BMP5: variants seen among roughly 807,000 people sequenced by gnomAD.
BMP5 encodes bone morphogenetic protein 5.
Under a neutral mutation model 46.6 loss-of-function variants are expected in BMP5, and 23 were observed. That is an observed-to-expected ratio of 0.49 (90% CI 0.35 to 0.70). The LOEUF (loss-of-function observed/expected upper bound fraction) is 0.70. Among genes scored for constraint, BMP5 ranks in the 30% least tolerant of loss-of-function variants. The pLI, the probability that BMP5 is intolerant of heterozygous loss-of-function variation, is 0.00. For synonymous variants in BMP5, 204 were observed against 191.9 expected, an observed-to-expected ratio of 1.06 and a Z score of -0.52; for missense variants, 545 against 565.6, an observed-to-expected ratio of 0.96 and a Z score of 0.37.
At chr6:55,865,553 A>T (rs1459003924) in intron 1 of BMP5, 2 of 311,986 alleles carry the variant, frequency 6.4e-6, no homozygotes, top group East Asian at 2.1e-4. Flanking sequence ...AACAGAGTCC[A>T]TCAGCTGTCC....
chr6:55,826,254 T>G (rs1776528547), intron 1 of BMP5, among the ~76,000 whole-genome samples: 1 of 151,802 alleles, frequency 6.6e-6, no homozygotes, highest in South Asian at 2.1e-4. Flanking sequence ...CTGAATGTTT[T>G]GTTTCAAAGG....
At chr6:55,805,337 A>G (rs1388440682) in intron 2 of BMP5, among the ~76,000 whole-genome samples, 3 of 152,040 alleles carry the variant, frequency 2.0e-5, no homozygotes, top group Non-Finnish European at 4.4e-5. Flanking sequence ...GCACCTATCA[A>G]CCCGTCATCA....
rs540724539 is a variant in BMP5, at chr6:55,800,057, C to A, written c.684-5630G>T. 2.0e-5 allele frequency among the ~76,000 whole-genome samples: 3 copies of A among 152,290 alleles called. No homozygotes were observed. The East Asian group carries it at 5.8e-4, about 29-fold the overall frequency. On this transcript the variant is annotated intron_variant, in intron 2 of 6. Transcript: ENST00000370830. Reference sequence around the variant, plus strand: ...CAACAAACACACATGTATACACACACACACAACCTGTGGATTCCTGCACTT... The same window carrying A: ...CAACAAACACACATGTATACACACAAACACAACCTGTGGATTCCTGCACTT...
chr6:55,832,429 G>A (rs181217436), intron 1 of BMP5, among the ~76,000 whole-genome samples: 1 of 152,124 alleles, frequency 6.6e-6, no homozygotes, highest in African/African-American at 2.4e-5. Flanking sequence ...TTTAAAAACT[G>A]TTAGGCAAAT....
At chr6:55,812,367 T>C (rs1378750735) in intron 2 of BMP5, among the ~76,000 whole-genome samples, 3 of 152,080 alleles carry the variant, frequency 2.0e-5, no homozygotes, top group Non-Finnish European at 4.4e-5. Context: ...CTAAGATAAA[T>C]AAATAAGAAA....
At chr6:55,837,717 A>G (rs773643661) in intron 1 of BMP5, among the ~76,000 whole-genome samples, 1 of 152,116 alleles carries the variant, frequency 6.6e-6, no homozygotes, top group Non-Finnish European at 1.5e-5. Context: ...GACTATAGTC[A>G]TTCTGTTGTG....
At chr6:55,836,073 A>C (rs1776787083) in intron 1 of BMP5, among the ~76,000 whole-genome samples, 1 of 152,192 alleles carries the variant, frequency 6.6e-6, no homozygotes, top group Non-Finnish European at 1.5e-5. Context: ...CAATTTTCCC[A>C]ATCAAAAAAT....
At chr6:55,834,446 A>G (rs1315802055) in intron 1 of BMP5, among the ~76,000 whole-genome samples, 2 of 152,154 alleles carry the variant, frequency 1.3e-5, no homozygotes, top group East Asian at 3.9e-4. Context: ...TATCTCTGAC[A>G]TAGAAGGCCA....
intron 1 of BMP5, among the ~76,000 whole-genome samples, chr6:55,841,945 T>TGAGAGAGAGAGA: frequency 9.2e-6 from 1 of 108,704 alleles, no homozygotes; most frequent in African/African-American, 4.3e-5. Context: ...AGAGAGAGAT[T>TGAGAGAGAGAGA]TTTCTATCCT....
chr6:55,859,279 G>T (rs2127552901), intron 1 of BMP5, among the ~76,000 whole-genome samples: 1 of 152,180 alleles, frequency 6.6e-6, no homozygotes, highest in Admixed American at 6.5e-5. Flanking sequence ...ATTAAAAAAG[G>T]TCACACCTTT....
rs370086127 is a variant in BMP5, at chr6:55,802,680, T to C, written c.684-8253A>G. ...GAAATGAGTATTGTAATATGGTATTTATTCCTTATTTTGAAATTAATATAT... is the reference window on the plus strand; with the variant it reads ...GAAATGAGTATTGTAATATGGTATTCATTCCTTATTTTGAAATTAATATAT... On this transcript the variant is annotated intron_variant, in intron 2 of 6. Transcript: ENST00000370830. 5.3e-5 allele frequency among the ~76,000 whole-genome samples: 8 copies of C among 152,240 alleles called. No individual in the cohort carries two copies. The East Asian group carries it at 1.2e-3, about 22-fold the overall frequency.
chr6:55,763,957 A>G (rs925108335), intron 4 of BMP5, among the ~76,000 whole-genome samples: 13 of 152,132 alleles, frequency 8.5e-5, no homozygotes, highest in African/African-American at 2.9e-4. Context: ...AAATACGTGG[A>G]GGTAAAAGTT....
intron 1 of BMP5, among the ~76,000 whole-genome samples, chr6:55,838,093 C>G (rs570951849): frequency 6.6e-6 from 1 of 152,206 alleles, no homozygotes; most frequent in Non-Finnish European, 1.5e-5. Context: ...CAAATCTTAG[C>G]TATTGTAAAC....
intron 2 of BMP5, among the ~76,000 whole-genome samples, chr6:55,808,830 C>T (rs1027607291): frequency 2.0e-5 from 3 of 152,126 alleles, no homozygotes; most frequent in East Asian, 1.9e-4. Context: ...CTGGATACCT[C>T]GGTTGCTGGT....
chr6:55,773,072 GA>G (rs1219847057), intron 4 of BMP5, among the ~76,000 whole-genome samples: 24 of 152,010 alleles, frequency 1.6e-4, no homozygotes, highest in Non-Finnish European at 1.5e-5. Context: ...TTTGAAGTTA[GA>G]ATTTCAATTT....
intron 3 of BMP5, among the ~76,000 whole-genome samples, chr6:55,786,776 ATTCT>A (rs1775460316): frequency 6.6e-6 from 1 of 151,558 alleles, no homozygotes; most frequent in South Asian, 2.1e-4. Context: ...AAGATATGTG[ATTCT>A]TTCAGTTTCT....
intron 5 of BMP5, among the ~76,000 whole-genome samples, 181 bp downstream of exon 5, chr6:55,760,276 T>C (rs1774737558): frequency 6.6e-6 from 1 of 152,004 alleles, no homozygotes; most frequent in Non-Finnish European, 1.5e-5. Context: ...TACCTACTAA[T>C]CATGTTTCAA....
At chr6:55,815,272 C>T (rs1188242498) in intron 2 of BMP5, among the ~76,000 whole-genome samples, 1 of 151,692 alleles carries the variant, frequency 6.6e-6, no homozygotes, top group African/African-American at 2.4e-5. Context: ...TATACTATAA[C>T]CCTAGAAGAT....
At chr6:55,798,316 A>G (rs1369840054) in intron 2 of BMP5, among the ~76,000 whole-genome samples, 9 of 152,224 alleles carry the variant, frequency 5.9e-5, no homozygotes, top group African/African-American at 2.2e-4. Context: ...TAATACTAAT[A>G]CTAATACATA....
Sources: allele counts gnomAD v4.1 joint callset (sites outside exome capture counted in the v4.1 genomes callset), GRCh38; gene constraint gnomAD v4.1.1; transcripts MANE v1.5; gene names NCBI Gene and HGNC (gene_info 2026-07-23, HGNC 2026-07-21).